The following FRMD3 variants were observed in gnomAD, a reference collection of about 807,000 sequenced individuals.
The protein encoded by FRMD3 is FERM domain-containing protein 3.
In FRMD3, 33 loss-of-function variants were observed where a neutral mutation model predicts 70.2. The observed-to-expected ratio is 0.47, with a 90% CI of 0.36 to 0.63. The LOEUF (loss-of-function observed/expected upper bound fraction) is 0.63, where lower values mean the gene tolerates loss of function less well. Among genes scored for constraint, FRMD3 ranks in the 20% least tolerant of loss-of-function variants. FRMD3 has a pLI of 0.00. For missense variants in FRMD3, 632 were observed against 711.4 expected (o/e 0.89, Z 1.27); for synonymous variants, 279 against 255.9 (o/e 1.09, Z -0.86).
rs905283584 is a variant in FRMD3 at position 83,363,634 on chromosome 9, G to A, written c.295+9279C>T. 7.6e-5 allele frequency among the ~76,000 whole-genome samples: 11 copies of A among 145,210 alleles called. No homozygotes were observed. In the East Asian group the frequency reaches 1.0e-3, roughly 14 times the overall value. On this transcript the variant is annotated intron_variant, in intron 3 of 13. Transcript: ENST00000304195. ...AGTGGCGCGATCTTGGCTCACTGCA[G>A]GCTCCGCCCCCCGGGGTTCACGCCA...
intron 1 of FRMD3, among the ~76,000 whole-genome samples, chr9:83,512,916 C>A (rs760758158): frequency 6.6e-6 from 1 of 152,182 alleles, no homozygotes; most frequent in Non-Finnish European, 1.5e-5. Flanking sequence ...AAGGGGAGCA[C>A]ACAGATGATT....
At position 83,267,090 on chromosome 9, in the gene FRMD3, G is replaced by A. The variant is rs7035213; in HGVS notation, c.1196-18574C>T. ...TTACTGTTGCAGTGGTTCACCATGT[G>A]CAATTGGAGGCTTCGTCGAGTCTGG... On this transcript the variant is annotated intron_variant, in intron 13 of 13. Transcript: ENST00000304195. The A allele has an allele frequency of 3.3e-4, 512 of 1,550,804 alleles. 1 individual carries two copies. In the African/African-American group the frequency reaches 6.2e-3, roughly 19 times the overall value.
At chr9:83,555,413 A>C in the FRMD3 span, among the ~76,000 whole-genome samples, 2 of 151,896 alleles carry the variant, frequency 1.3e-5, no homozygotes, top group Admixed American at 6.6e-5. Context: ...AATTTGGTAG[A>C]GCACCTGTGC....
At position 83,248,142 on chromosome 9, in the gene FRMD3, G is replaced by A; in HGVS notation, c.1570C>T (p.Leu524=). 1 of 1,614,180 alleles carries A rather than the reference G, an allele frequency of 6.2e-7. No individual in the cohort carries two copies. Among genetic ancestry groups the A allele is most frequent in the Non-Finnish European group, 8.5e-7 (1 of 1,180,042 alleles). The part of the protein sequence containing the change: ...ILTGHIRVNP[L]VKSFSRLLVV... ...AGGAGCCTGGAAAAACTCTTGACCA[G>A]TGGGTTCACCCGAATATGGCCAGTC... Residue 524 remains leucine, a synonymous_variant, in exon 14 of 14, where the codon CTG becomes TTG. Transcript: ENST00000304195.
In FRMD3 at chr9:83,389,594, C is replaced by A. The variant is rs1282981000; in HGVS notation, c.252+10G>T. 4 of 1,591,484 alleles carry A rather than the reference C, an allele frequency of 2.5e-6. No individual in the cohort carries two copies. Among genetic ancestry groups the A allele is most frequent in the Non-Finnish European group, 3.4e-6 (4 of 1,159,548 alleles). On this transcript the variant is annotated intron_variant, in intron 2 of 13. Coordinates refer to ENST00000304195, the MANE Select transcript of FRMD3 (RefSeq NM_174938.6). ...CCTGAAAATGGCTCCAGATAGAAAT[C>A]AGCTCTTACCCTTTGCTTCTCTGGG...
chr9:83,544,924 C>T, the FRMD3 span, among the ~76,000 whole-genome samples: 4 of 152,142 alleles, frequency 2.6e-5, no homozygotes, highest in Non-Finnish European at 5.9e-5. Flanking sequence ...AGAAGTGACA[C>T]CTCAGAATAA....
chr9:83,565,605 G>A, the FRMD3 span, among the ~76,000 whole-genome samples: 886 of 152,230 alleles, frequency 5.8e-3, 7 homozygotes, highest in African/African-American at 0.02. Context: ...TGCCCGTAGC[G>A]CCCTGTCAAA....
chr9:83,461,662 TCC>T lies in FRMD3; in HGVS notation c.148-71956_148-71955del, dbSNP rs1486383386. On this transcript the variant is annotated intron_variant, in intron 1 of 13. Transcript: ENST00000304195. ...AAAAATCTTAATTCCTTCAGGAATT[TCC>T]CTTTTTTTTTTTTTTTTTTTTTTTT... Among the ~76,000 whole-genome samples, 275 of 141,072 alleles carry T rather than the reference TCC, an allele frequency of 1.9e-3. 2 individuals are homozygous for T. The highest frequency in any genetic ancestry group is 6.9e-3 in the African/African-American group (258 of 37,660). The allele number at this position is 141,072 out of a possible 152,430, so 92.5% of individuals were successfully genotyped here. A position where few individuals can be genotyped will look rare whatever the true frequency, so the allele number is the denominator to read the frequency against.
At chr9:83,514,356 A>G (rs1171962331) in intron 1 of FRMD3, among the ~76,000 whole-genome samples, 1 of 152,140 alleles carries the variant, frequency 6.6e-6, no homozygotes, top group Non-Finnish European at 1.5e-5. Context: ...GGAAGTTTGA[A>G]CTGGACAGAG....
chr9:83,257,776 A>G (rs1832785422), intron 13 of FRMD3, among the ~76,000 whole-genome samples: 1 of 152,178 alleles, frequency 6.6e-6, no homozygotes, highest in African/African-American at 2.4e-5. Context: ...ATATTCAGAA[A>G]GCTCAGTTAA....
chr9:83,440,362 T>C (rs1051028470), intron 1 of FRMD3, among the ~76,000 whole-genome samples: 1 of 152,210 alleles, frequency 6.6e-6, no homozygotes, highest in African/African-American at 2.4e-5. Flanking sequence ...TATAATCCAA[T>C]GTCCAAAGAG....
chr9:83,372,083 C>T (rs902331956), intron 3 of FRMD3, among the ~76,000 whole-genome samples: 1 of 152,166 alleles, frequency 6.6e-6, no homozygotes, highest in Non-Finnish European at 1.5e-5. Context: ...ACTGATTCAT[C>T]ACCTGCATTT....
intron 5 of FRMD3, among the ~76,000 whole-genome samples, chr9:83,342,646 A>G (rs149983582): frequency 5.8e-4 from 88 of 152,250 alleles, no homozygotes; most frequent in Admixed American, 1.2e-3. Flanking sequence ...ATGTATACAC[A>G]TACACACACG....
intron 8 of FRMD3, among the ~76,000 whole-genome samples, chr9:83,311,020 T>C (rs1428565297): frequency 6.6e-6 from 1 of 152,188 alleles, no homozygotes; most frequent in Non-Finnish European, 1.5e-5. Flanking sequence ...AAAAGAATTG[T>C]GTTCTTATAT....
At position 83,245,869 on chromosome 9, in the gene FRMD3, A is replaced by T. The variant is rs12005913; in HGVS notation, c.*2049T>A. 0.026 allele frequency: 25,317 copies of T among 984,338 alleles called. 4,517 individuals are homozygous for T. The African/African-American group carries it at 0.39, about 15-fold the overall frequency. The allele number at this position is 984,338 out of a possible 1,614,324, so 61.0% of individuals were successfully genotyped here. On this transcript the variant is annotated 3_prime_UTR_variant, in exon 14 of 14. Transcript: ENST00000304195. ...TTCAATTTCAAACCTAGCCATCTGC[A>T]AGCTTCCAAAATAAATTGTTGAGGA...
chr9:83,333,953 C>A (rs1209694847), intron 6 of FRMD3, among the ~76,000 whole-genome samples: 1 of 152,072 alleles, frequency 6.6e-6, no homozygotes, highest in African/African-American at 2.4e-5. Context: ...GCTCTTAGCA[C>A]AATGTTTTGG....
At chr9:83,364,560 A>G (rs1271380425) in intron 3 of FRMD3, among the ~76,000 whole-genome samples, 2 of 152,014 alleles carry the variant, frequency 1.3e-5, no homozygotes, top group East Asian at 1.9e-4. Flanking sequence ...ATCTCCAAAA[A>G]AAAAAAAAAA....
At chr9:83,491,245 C>A (rs1828818032) in intron 1 of FRMD3, among the ~76,000 whole-genome samples, 1 of 152,154 alleles carries the variant, frequency 6.6e-6, no homozygotes, top group African/African-American at 2.4e-5. Context: ...CTCAGTAATT[C>A]GTTTTCTGTT....
At chr9:83,416,745 G>GTCACTC (rs1826454711) in intron 1 of FRMD3, among the ~76,000 whole-genome samples, 1 of 102,234 alleles carries the variant, frequency 9.8e-6, no homozygotes, top group South Asian at 3.4e-4. Context: ...ATTTCTCTCT[G>GTCACTC]TCTCTCTCTC....
Sources: allele counts gnomAD v4.1 joint callset (sites outside exome capture counted in the v4.1 genomes callset), GRCh38; gene constraint gnomAD v4.1.1; transcripts MANE v1.5; gene names NCBI Gene and HGNC (gene_info 2026-07-23, HGNC 2026-07-21).